KIF7: variants seen among roughly 807,000 people sequenced by gnomAD.
KIF7 encodes the protein kinesin-like protein KIF7.
A neutral mutation model predicts 135.7 loss-of-function variants in KIF7; 104 were observed. The observed-to-expected ratio is 0.77, with a 90% CI of 0.65 to 0.90. The LOEUF is 0.90. Among genes scored for constraint, KIF7 ranks in the 40% least tolerant of loss-of-function variants. The probability of loss-of-function intolerance (pLI) is 0.00; values close to 1 mark genes in which losing one functional copy is unlikely to be tolerated. For synonymous variants in KIF7, 883 were observed against 809.4 expected (o/e 1.09, Z -1.54); for missense variants, 2,005 against 1,839.1 (o/e 1.09, Z -1.65).
At chr15:89,629,167 G>T (rs766289006) in intron 17 of KIF7, 45 bp from the exon 18 acceptor site, 4 of 1,597,830 alleles carry the variant, frequency 2.5e-6, no homozygotes, top group Non-Finnish European at 1.7e-6. Context: ...GCTGCAGGCG[G>T]GGCAGGCGGC....
intron 11 of KIF7, among the ~76,000 whole-genome samples, chr15:89,636,922 C>G (rs1441857319): frequency 2.1e-5 from 3 of 141,704 alleles, no homozygotes; most frequent in Non-Finnish European, 3.1e-5. Context: ...TGACCACATA[C>G]TTGGAAGTAA....
At chr15:89,633,658 A>C (rs1381573327) in intron 12 of KIF7, 28 bp downstream of exon 12, 1 of 1,601,390 alleles carries the variant, frequency 6.2e-7, no homozygotes, top group South Asian at 1.1e-5. Flanking sequence ...GCCTGGACAG[A>C]AGGTCCCCAC....
Position 89,645,087 on chromosome 15 carries a change from G to T in KIF7, c.2117C>A (p.Ala706Asp). 6.2e-7 allele frequency: 1 copy of T among 1,603,612 alleles called. No homozygotes were observed. ...AGCCAGCTCCCGGATCTTCTGCTGG[G>T]CCTGGGCCAGCCGCCACTCTGAGGC... ...ATASEWRLAQ[A>D]QQKIRELAIN... The change falls in exon 10 of 19, where the codon GCC (alanine) becomes GAC (aspartate). Residue 706 changes from alanine to aspartate, a missense_variant. Ala to Asp is a moderately radical substitution (Grantham distance 126). Transcript: ENST00000394412.
intron 11 of KIF7, among the ~76,000 whole-genome samples, chr15:89,636,454 CAT>C (rs1963809996): frequency 8.2e-6 from 1 of 121,686 alleles, no homozygotes; most frequent in African/African-American, 3.3e-5. Flanking sequence ...CAGAGACACA[CAT>C]AGGCTCAAAA....
intron 14 of KIF7, among the ~76,000 whole-genome samples, 168 bp from the exon 15 acceptor site, chr15:89,631,878 G>C (rs1405178012): frequency 1.3e-5 from 2 of 152,226 alleles, no homozygotes; most frequent in Non-Finnish European, 2.9e-5. Context: ...GACTCCAGGA[G>C]GCGGGGCTAA....
intron 1 of KIF7, chr15:89,621,317 G>T: frequency 6.8e-7 from 1 of 1,470,164 alleles, no homozygotes; most frequent in Non-Finnish European, 9.2e-7. Flanking sequence ...CACCATGCGT[G>T]GCTGGCTGTT....
intron 11 of KIF7, among the ~76,000 whole-genome samples, chr15:89,638,738 C>CA (rs1364660458): frequency 2.6e-5 from 4 of 151,716 alleles, no homozygotes; most frequent in African/African-American, 7.3e-5. Flanking sequence ...TTTACAGATT[C>CA]AATGCCATCC....
At chr15:89,639,612 G>C (rs1255494468) in intron 11 of KIF7, among the ~76,000 whole-genome samples, 9 of 133,166 alleles carry the variant, frequency 6.8e-5, no homozygotes, top group Non-Finnish European at 1.4e-4. Flanking sequence ...ACACCAGTTA[G>C]AATGGCAATC....
chr15:89,649,162 G>T lies in KIF7; in HGVS notation c.735C>A (p.Val245=). The stretch of plus-strand genomic sequence containing the variant: ...CCAGGTCCACGAAGTGGAACTTGGA[G>T]ACGAGCAGCTGGCCCGGGGCGGGGC... ...LPRPAPGQLL[V]SKFHFVDLAG... Residue 245 remains valine (V), a synonymous_variant, in exon 4 of 19, where the codon GTC becomes GTA. Transcript: ENST00000394412. 1 of 1,548,224 alleles carries T rather than the reference G, an allele frequency of 6.5e-7. No homozygotes were observed. Among genetic ancestry groups the T allele is most frequent in the Non-Finnish European group, 8.7e-7 (1 of 1,146,728 alleles).
intron 11 of KIF7, 106 bp from the exon 12 acceptor site, chr15:89,633,989 TGGGTGA>T: frequency 8.5e-7 from 1 of 1,182,236 alleles, no homozygotes; most frequent in African/African-American, 1.5e-5. Flanking sequence ...AATGGGTAGG[TGGGTGA>T]TAGACCAATA....
intron 1 of KIF7, among the ~76,000 whole-genome samples, chr15:89,619,218 C>CTT (rs1444853735): frequency 1.1e-5 from 1 of 91,872 alleles, no homozygotes; most frequent in African/African-American, 4.3e-5. Flanking sequence ...CTACACCATT[C>CTT]TTCTTTTTTT....
At chr15:89,661,275 CAT>C in the KIF7 span, among the ~76,000 whole-genome samples, 5 of 152,026 alleles carry the variant, frequency 3.3e-5, no homozygotes, top group Non-Finnish European at 7.4e-5. Flanking sequence ...AGCTCAGAAA[CAT>C]AATTTTGAGT....
intron 11 of KIF7, among the ~76,000 whole-genome samples, chr15:89,636,250 C>A (rs1285306550): frequency 6.6e-6 from 1 of 151,644 alleles, no homozygotes; most frequent in Non-Finnish European, 1.5e-5. Context: ...ACCATCGAGA[C>A]TAGGAAGAAA....
At chr15:89,618,332 C>T in intron 1 of KIF7, 1 of 838,182 alleles carries the variant, frequency 1.2e-6, no homozygotes, top group Non-Finnish European at 2.1e-6. Flanking sequence ...GCTCTGAGTC[C>T]ACAATGCAGC....
downstream of KIF7, chr15:89,625,993 A>G: frequency 6.2e-7 from 1 of 1,610,208 alleles, no homozygotes. Context: ...AGTGCCCTCC[A>G]GGCTCTGACC....
At chr15:89,625,629 G>T, downstream of KIF7, 1 of 1,613,436 alleles carries the variant, frequency 6.2e-7, no homozygotes, top group Non-Finnish European at 8.5e-7. Flanking sequence ...TGAGTTCCAG[G>T]AAGAGAGTCC....
At chr15:89,647,529 C>T in intron 6 of KIF7, 67 bp downstream of exon 6, 1 of 1,411,256 alleles carries the variant, frequency 7.1e-7, no homozygotes, top group Non-Finnish European at 1.0e-6. Context: ...TCCTGAGAAA[C>T]TCAGCTCTGC....
In KIF7 at chr15:89,628,313, G is replaced by A; in HGVS notation, c.*106C>T. The A allele has an allele frequency of 6.9e-7, 1 of 1,439,516 alleles. No individual in the cohort carries two copies. Among genetic ancestry groups the A allele is most frequent in the African/African-American group, 1.4e-5 (1 of 70,206 alleles). The allele number at this position is 1,439,516 out of a possible 1,614,324, so 89.2% of individuals were successfully genotyped here. A position where few individuals can be genotyped will look rare whatever the true frequency, so the allele number is the denominator to read the frequency against. On this transcript the variant is annotated 3_prime_UTR_variant, in exon 19 of 19. Transcript: ENST00000394412. Reference sequence around the variant, plus strand: ...CAGTGAGGGTACAGATGAGGGCCTGGATTTAGGGTGTGCGGTAAGGACTGC... The same window carrying A: ...CAGTGAGGGTACAGATGAGGGCCTGAATTTAGGGTGTGCGGTAAGGACTGC...
Position 89,646,975 on chromosome 15 carries a change from G to A in KIF7, c.1643C>T (p.Pro548Leu), listed in dbSNP as rs369168569. 2.8e-4 allele frequency: 451 copies of A among 1,613,174 alleles called. 1 individual carries two copies. Among genetic ancestry groups the A allele is most frequent in the Non-Finnish European group, 3.6e-4 (422 of 1,179,740 alleles). ...LELVRPGWGG[P>L]RLLNGLPPGS... The stretch of plus-strand genomic sequence containing the variant: ...GGGAGGCAGGCCATTCAGGAGCCGC[G>A]GGCCCCCCCAGCCTGGCCGCACCAG... Residue 548 changes from proline to leucine, a missense_variant, in exon 7 of 19, where the codon CCG becomes CTG. Transcript: ENST00000394412.
Sources: allele counts gnomAD v4.1 joint callset (sites outside exome capture counted in the v4.1 genomes callset), GRCh38; gene constraint gnomAD v4.1.1; transcripts MANE v1.5; gene names NCBI Gene and HGNC (gene_info 2026-07-23, HGNC 2026-07-21).